TOM1: variants seen among roughly 807,000 people sequenced by gnomAD.
The protein encoded by TOM1 is target of myb1 membrane trafficking protein.
A neutral mutation model predicts 61.3 loss-of-function variants in TOM1; 38 were observed. The ratio of observed to expected loss-of-function variants is 0.62; its 90% confidence interval spans 0.48 to 0.81. TOM1 has a LOEUF of 0.81. TOM1 is among the 40% of genes least tolerant of loss of function. The probability of loss-of-function intolerance (pLI) is 0.00; values close to 1 mark genes in which losing one functional copy is unlikely to be tolerated. For missense variants in TOM1, 591 were observed against 659.6 expected, an observed-to-expected ratio of 0.90 and a Z score of 1.14; for synonymous variants, 270 against 268.8, an observed-to-expected ratio of 1.00 and a Z score of -0.04.
At chr22:35,320,724 T>C (rs1927697887) in intron 2 of TOM1, among the ~76,000 whole-genome samples, 1 of 152,110 alleles carries the variant, frequency 6.6e-6, no homozygotes, top group African/African-American at 2.4e-5. Flanking sequence ...CTTCTTTGGA[T>C]CTCCCCGCAA....
chr22:35,308,867 AT>A (rs1474626566), intron 1 of TOM1, among the ~76,000 whole-genome samples: 1 of 152,122 alleles, frequency 6.6e-6, no homozygotes, highest in Non-Finnish European at 1.5e-5. Context: ...TCTGTAAGGT[AT>A]TTTAGGGTTT....
intron 1 of TOM1, among the ~76,000 whole-genome samples, chr22:35,308,333 G>C (rs907744907): frequency 6.8e-6 from 1 of 148,080 alleles, no homozygotes; most frequent in African/African-American, 2.5e-5. Context: ...TCCCAGGCTG[G>C]AGTGCAGTGG....
At chr22:35,328,199 G>A (rs944742101) in intron 7 of TOM1, among the ~76,000 whole-genome samples, 1 of 152,194 alleles carries the variant, frequency 6.6e-6, no homozygotes, top group East Asian at 1.9e-4. Flanking sequence ...GCAGGGTGGG[G>A]AGAAAAGGAG....
intron 1 of TOM1, among the ~76,000 whole-genome samples, chr22:35,307,288 A>G (rs138765): frequency 0.51 from 78,058 of 152,028 alleles, 22,871 homozygotes; most frequent in Non-Finnish European, 0.65. Context: ...CTCATCCTAT[A>G]TAATTATATC....
rs1446987046 is a variant in TOM1 at position 35,347,938 on chromosome 22, G to A, written c.*729G>A. On this transcript the variant is annotated 3_prime_UTR_variant, in exon 15 of 15. Transcript: ENST00000449058. The stretch of plus-strand genomic sequence containing the variant: ...GGTTGATCCTCTTGTACTGGGAGAG[G>A]TGCCTTTTGTATCCCCAATTAAAGG... The A allele has an allele frequency of 1.3e-5, 2 of 152,458 alleles. No individual in the cohort carries two copies. Among genetic ancestry groups the A allele is most frequent in the East Asian group, 3.9e-4 (2 of 5,190 alleles). 9.4% of individuals were successfully genotyped at this position (152,458 alleles called of 1,614,324 possible).
chr22:35,308,595 C>T (rs1199693731), intron 1 of TOM1, among the ~76,000 whole-genome samples: 1 of 151,886 alleles, frequency 6.6e-6, no homozygotes, highest in East Asian at 1.9e-4. Flanking sequence ...TTCCTTTTCT[C>T]TAGAGATCCC....
intron 8 of TOM1, among the ~76,000 whole-genome samples, chr22:35,332,756 A>T (rs991686662): frequency 1.3e-5 from 2 of 152,206 alleles, no homozygotes; most frequent in African/African-American, 2.4e-5. Context: ...CTTATAATTG[A>T]TCATCCAAAT....
intron 8 of TOM1, chr22:35,331,294 A>G (rs1427975324): frequency 4.5e-6 from 2 of 442,514 alleles, no homozygotes; most frequent in Admixed American, 2.5e-5. Context: ...TTCTTTTTGC[A>G]GAGACAGGGG....
Position 35,347,105 on chromosome 22 carries a change from A to AT in TOM1, c.1375_1376insT (p.Asn459IlefsTer8). The AT allele has an allele frequency of 6.2e-7, 1 of 1,613,394 alleles. No homozygotes were observed. Among genetic ancestry groups the AT allele is most frequent in the Non-Finnish European group, 8.5e-7 (1 of 1,179,706 alleles). ...GGCCAAAGCCGCGGACCGATTGCCCAACCTCTCCAGCCCCTCAGCTGAGGG... is the reference window on the plus strand; with the variant it reads ...GGCCAAAGCCGCGGACCGATTGCCCATACCTCTCCAGCCCCTCAGCTGAGGG... On this transcript the variant is annotated frameshift_variant, in exon 15 of 15. Coordinates refer to ENST00000449058, the MANE Select transcript of TOM1 (RefSeq NM_005488.3). LOFTEE classifies it low-confidence loss of function (END_TRUNC).
intron 1 of TOM1, among the ~76,000 whole-genome samples, chr22:35,314,521 G>A (rs1927116348): frequency 6.6e-6 from 1 of 152,084 alleles, no homozygotes; most frequent in South Asian, 2.1e-4. Flanking sequence ...CAATGTCCCC[G>A]CTTCCCTTTA....
intron 11 of TOM1, among the ~76,000 whole-genome samples, chr22:35,335,226 T>C (rs1320021852): frequency 1.3e-5 from 2 of 152,112 alleles, no homozygotes; most frequent in Non-Finnish European, 2.9e-5. Context: ...TTCTTATAGC[T>C]AAGGAAAGTT....
intron 13 of TOM1, 150 bp from the exon 14 acceptor site, chr22:35,346,780 G>T (rs1930534929): frequency 1.4e-6 from 1 of 703,972 alleles, no homozygotes; most frequent in Non-Finnish European, 2.4e-6. Flanking sequence ...CCAGGTCCAG[G>T]TCCTGGGACC....
intron 2 of TOM1, chr22:35,321,659 A>G: frequency 2.0e-6 from 1 of 488,666 alleles, no homozygotes; most frequent in East Asian, 5.9e-5. Context: ...TCAGCCTCCC[A>G]AAGTCCTGGG....
At chr22:35,339,887 G>A (rs1027722997) in intron 12 of TOM1, among the ~76,000 whole-genome samples, 20 of 147,060 alleles carry the variant, frequency 1.4e-4, no homozygotes, top group Non-Finnish European at 3.0e-4. Context: ...CTGGGCGACA[G>A]AGCGAGACTC....
intron 12 of TOM1, among the ~76,000 whole-genome samples, chr22:35,339,547 T>C (rs1929687445): frequency 1.3e-5 from 2 of 152,198 alleles, no homozygotes. Flanking sequence ...GCCCGTTCAA[T>C]AGTATTCCTC....
intron 11 of TOM1, among the ~76,000 whole-genome samples, 191 bp from the exon 12 acceptor site, chr22:35,338,522 C>A (rs1369277299): frequency 6.6e-6 from 1 of 152,160 alleles, no homozygotes; most frequent in Middle Eastern, 3.2e-3. Flanking sequence ...CCTCTCCAGC[C>A]TTTGCTGCTG....
intron 1 of TOM1, among the ~76,000 whole-genome samples, chr22:35,303,150 C>A (rs184698452): frequency 1.3e-5 from 1 of 75,634 alleles, no homozygotes; most frequent in African/African-American, 3.5e-5. Flanking sequence ...ACACACACAC[C>A]CCTTTGTGCT....
At chr22:35,337,728 C>T (rs906272911) in intron 11 of TOM1, among the ~76,000 whole-genome samples, 2 of 152,230 alleles carry the variant, frequency 1.3e-5, no homozygotes, top group Non-Finnish European at 2.9e-5. Context: ...GCTTCACTAG[C>T]GTGTCAGGTG....
intron 1 of TOM1, among the ~76,000 whole-genome samples, chr22:35,305,341 G>A (rs539281917): frequency 1.2e-4 from 19 of 152,228 alleles, no homozygotes; most frequent in Admixed American, 7.8e-4. Flanking sequence ...TAGGGACAGG[G>A]AAGGGTTGAT....
Sources: allele counts gnomAD v4.1 joint callset (sites outside exome capture counted in the v4.1 genomes callset), GRCh38; gene constraint gnomAD v4.1.1; transcripts MANE v1.5; gene names NCBI Gene and HGNC (gene_info 2026-07-23, HGNC 2026-07-21).